Variants in MYO1E observed in about 807,000 individuals in gnomAD.
The protein encoded by MYO1E is myosin IE.
In MYO1E, 68 loss-of-function variants were observed where a neutral mutation model predicts 151.1. The ratio of observed to expected loss-of-function variants is 0.45; its 90% CI spans 0.37 to 0.55. The LOEUF (loss-of-function observed/expected upper bound fraction) is 0.55. Among genes scored for constraint, MYO1E ranks in the 20% least tolerant of loss-of-function variants. The pLI, the probability that MYO1E is intolerant of heterozygous loss-of-function variation, is 0.00. For synonymous variants in MYO1E, 601 were observed against 501.7 expected, an observed-to-expected ratio of 1.20 and a Z score of -2.64; for missense variants, 1,363 against 1,389.3, an observed-to-expected ratio of 0.98 and a Z score of 0.30.
At chr15:59,335,689 T>C (rs2080724475) in intron 1 of MYO1E, among the ~76,000 whole-genome samples, 2 of 152,168 alleles carry the variant, frequency 1.3e-5, no homozygotes, top group African/African-American at 4.8e-5. Flanking sequence ...TTAGACCTCA[T>C]GCCTCAGAGA....
intron 18 of MYO1E, among the ~76,000 whole-genome samples, chr15:59,185,066 C>T (rs1459651634): frequency 6.6e-6 from 1 of 152,188 alleles, no homozygotes; most frequent in African/African-American, 2.4e-5. Context: ...ATATGCCTGT[C>T]TGCCATCAGC....
intron 4 of MYO1E, among the ~76,000 whole-genome samples, chr15:59,247,595 G>A (rs4420472): frequency 0.78 from 118,644 of 152,090 alleles, 47,017 homozygotes; most frequent in Non-Finnish European, 0.85. Flanking sequence ...TCTATCTTGC[G>A]GGGTCTGATG....
chr15:59,339,238 C>T (rs1407172420), intron 1 of MYO1E, among the ~76,000 whole-genome samples: 2 of 152,196 alleles, frequency 1.3e-5, no homozygotes, highest in East Asian at 3.8e-4. Flanking sequence ...CCTTTCAGAG[C>T]CTTCCTCTCC....
At chr15:59,267,765 T>C (rs552272829) in intron 2 of MYO1E, among the ~76,000 whole-genome samples, 3 of 152,330 alleles carry the variant, frequency 2.0e-5, no homozygotes, top group African/African-American at 4.8e-5. Flanking sequence ...CTATGCACAA[T>C]AGACAACACT....
intron 4 of MYO1E, among the ~76,000 whole-genome samples, chr15:59,248,086 C>T (rs769972311): frequency 5.1e-5 from 7 of 136,956 alleles, no homozygotes; most frequent in Non-Finnish European, 9.1e-5. Context: ...CAAGAGTGTG[C>T]CACTGCACTC....
chr15:59,302,519 G>A (rs1596407847), intron 1 of MYO1E, among the ~76,000 whole-genome samples: 1 of 152,156 alleles, frequency 6.6e-6, no homozygotes, highest in Admixed American at 6.5e-5. Flanking sequence ...AACTCATGAG[G>A]CCAGGAGGAA....
chr15:59,158,000 G>A (rs556121262), intron 25 of MYO1E, among the ~76,000 whole-genome samples: 11 of 152,336 alleles, frequency 7.2e-5, no homozygotes, highest in African/African-American at 2.4e-4. Context: ...GGTTGTTACG[G>A]ACAAGGAACT....
At chr15:59,335,323 C>A (rs1004417846) in intron 1 of MYO1E, among the ~76,000 whole-genome samples, 1 of 152,174 alleles carries the variant, frequency 6.6e-6, no homozygotes, top group Non-Finnish European at 1.5e-5. Flanking sequence ...GTGAAAACGA[C>A]TCCAAGCTAC....
At chr15:59,198,288 A>G (rs1263730607) in intron 16 of MYO1E, among the ~76,000 whole-genome samples, 1 of 152,200 alleles carries the variant, frequency 6.6e-6, no homozygotes, top group African/African-American at 2.4e-5. Flanking sequence ...TGCTCAACAG[A>G]AGCAGGTGTT....
chr15:59,305,824 G>A (rs1188628508), intron 1 of MYO1E, among the ~76,000 whole-genome samples: 1 of 152,288 alleles, frequency 6.6e-6, no homozygotes, highest in East Asian at 1.9e-4. Flanking sequence ...TGACATAAGT[G>A]GAAGGGGTGT....
At chr15:59,153,431 C>T (rs1214158470) in intron 26 of MYO1E, among the ~76,000 whole-genome samples, 159 bp downstream of exon 26, 1 of 152,218 alleles carries the variant, frequency 6.6e-6, no homozygotes, top group Non-Finnish European at 1.5e-5. Context: ...AAATAACCAG[C>T]CACAGCCCCA....
At chr15:59,246,821 T>G (rs866880939) in intron 4 of MYO1E, among the ~76,000 whole-genome samples, 5 of 152,208 alleles carry the variant, frequency 3.3e-5, no homozygotes, top group Non-Finnish European at 7.3e-5. Context: ...TAAATGCATC[T>G]TCACCTCTTG....
chr15:59,197,831 T>C (rs1474306927), intron 16 of MYO1E, among the ~76,000 whole-genome samples: 2 of 152,272 alleles, frequency 1.3e-5, no homozygotes, highest in African/African-American at 4.8e-5. Flanking sequence ...AAAATTATCC[T>C]GTATTTCAAT....
At chr15:59,197,884 C>T (rs1342299393) in intron 16 of MYO1E, among the ~76,000 whole-genome samples, 2 of 152,156 alleles carry the variant, frequency 1.3e-5, no homozygotes, top group Non-Finnish European at 2.9e-5. Flanking sequence ...ATTTTTGAAA[C>T]AGGGTCTTGC....
chr15:59,291,536 C>T (rs1265606470), intron 1 of MYO1E, among the ~76,000 whole-genome samples: 2 of 151,038 alleles, frequency 1.3e-5, no homozygotes, highest in Non-Finnish European at 2.9e-5. Context: ...TTTAGTGCAG[C>T]AAAAAGAGAA....
At chr15:59,245,168 T>C (rs2080122311) in intron 4 of MYO1E, among the ~76,000 whole-genome samples, 1 of 151,978 alleles carries the variant, frequency 6.6e-6, no homozygotes, top group South Asian at 2.1e-4. Context: ...CTGAAAAGCG[T>C]CCCCATGCTA....
At chr15:59,242,146 C>T (rs1002054502) in intron 4 of MYO1E, among the ~76,000 whole-genome samples, 15 of 152,078 alleles carry the variant, frequency 9.9e-5, no homozygotes, top group African/African-American at 3.1e-4. Flanking sequence ...GGCAGCATAC[C>T]GACAAACTTG....
At chr15:59,187,180 T>C (rs1013915816) in intron 18 of MYO1E, among the ~76,000 whole-genome samples, 9 of 152,196 alleles carry the variant, frequency 5.9e-5, no homozygotes, top group African/African-American at 2.2e-4. Context: ...GCCTAATGAA[T>C]ACTTATGGCT....
intron 1 of MYO1E, among the ~76,000 whole-genome samples, chr15:59,314,909 C>T (rs1274231090): frequency 3.9e-5 from 6 of 152,038 alleles, no homozygotes; most frequent in African/African-American, 1.2e-4. Flanking sequence ...TTACCACAGG[C>T]GGGGTGGCAG....
Sources: allele counts gnomAD v4.1 joint callset (sites outside exome capture counted in the v4.1 genomes callset), GRCh38; gene constraint gnomAD v4.1.1; transcripts MANE v1.5; gene names NCBI Gene and HGNC (gene_info 2026-07-23, HGNC 2026-07-21).